Variants in MYT1L observed in about 807,000 individuals in gnomAD.
The protein encoded by MYT1L is myelin transcription factor 1 like, also known as myelin transcription factor 1-like protein.
Under a neutral mutation model 126.7 loss-of-function variants are expected in MYT1L, and 12 were observed. The ratio of observed to expected loss-of-function variants is 0.09; its 90% CI spans 0.06 to 0.15. The LOEUF is 0.15. Ranked by LOEUF, MYT1L falls within the 10% of genes least tolerant of loss-of-function variation. The pLI, the probability that MYT1L is intolerant of heterozygous loss-of-function variation, is 1.00. For synonymous variants in MYT1L, 541 were observed against 604.2 expected, an observed-to-expected ratio of 0.90 and a Z score of 1.53; for missense variants, 979 against 1,585.2, an observed-to-expected ratio of 0.62 and a Z score of 6.49.
intron 2 of MYT1L, among the ~76,000 whole-genome samples, chr2:2,282,239 G>A (rs560029010): frequency 4.6e-5 from 7 of 152,300 alleles, no homozygotes; most frequent in South Asian, 4.1e-4. Context: ...TGTATTGCAC[G>A]TAGTAGGCAC....
At chr2:1,928,175 A>C (rs947961886) in intron 9 of MYT1L, among the ~76,000 whole-genome samples, 2 of 152,212 alleles carry the variant, frequency 1.3e-5, no homozygotes, top group African/African-American at 2.4e-5. Flanking sequence ...CTCGTCTCAA[A>C]GTGATCTGCC....
At chr2:1,820,656 CA>C (rs2038390558) in intron 21 of MYT1L, among the ~76,000 whole-genome samples, 1 of 152,144 alleles carries the variant, frequency 6.6e-6, no homozygotes, top group Non-Finnish European at 1.5e-5. Context: ...AAGCAATTCT[CA>C]CTCCTCAGCC....
intron 2 of MYT1L, among the ~76,000 whole-genome samples, chr2:2,264,489 G>A (rs2095069493): frequency 6.6e-6 from 1 of 152,038 alleles, no homozygotes; most frequent in South Asian, 2.1e-4. Flanking sequence ...TAAAAAATAG[G>A]TCATAGTGAA....
At chr2:2,248,859 G>T (rs2149202083) in intron 2 of MYT1L, among the ~76,000 whole-genome samples, 1 of 152,180 alleles carries the variant, frequency 6.6e-6, no homozygotes, top group African/African-American at 2.4e-5. Flanking sequence ...ACTGGGTATA[G>T]AAATAACATA....
At chr2:1,932,064 G>A (rs1437964207) in intron 9 of MYT1L, among the ~76,000 whole-genome samples, 1 of 152,142 alleles carries the variant, frequency 6.6e-6, no homozygotes, top group East Asian at 1.9e-4. Flanking sequence ...GCCAGACACT[G>A]CCTACACTCC....
chr2:1,986,106 C>G (rs2060998416), intron 5 of MYT1L, among the ~76,000 whole-genome samples: 1 of 152,218 alleles, frequency 6.6e-6, no homozygotes, highest in Non-Finnish European at 1.5e-5. Flanking sequence ...TGGTAGATGC[C>G]TGTAAATTTC....
chr2:2,200,977 G>A (rs183178592), intron 2 of MYT1L, among the ~76,000 whole-genome samples: 1 of 152,292 alleles, frequency 6.6e-6, no homozygotes, highest in African/African-American at 2.4e-5. Context: ...AGTTAACAAA[G>A]CACATTAATC....
intron 3 of MYT1L, among the ~76,000 whole-genome samples, chr2:2,157,792 T>G (rs1188696806): frequency 6.6e-6 from 1 of 152,212 alleles, no homozygotes; most frequent in African/African-American, 2.4e-5. Flanking sequence ...AGAAATATTT[T>G]TCCACACTGA....
chr2:2,030,863 G>A (rs1392181976), intron 4 of MYT1L, among the ~76,000 whole-genome samples: 1 of 152,142 alleles, frequency 6.6e-6, no homozygotes, highest in African/African-American at 2.4e-5. Context: ...GTAAAATTTG[G>A]TGCTCATATA....
At chr2:2,136,772 C>A (rs1575418890) in intron 3 of MYT1L, among the ~76,000 whole-genome samples, 1 of 152,272 alleles carries the variant, frequency 6.6e-6, no homozygotes, top group South Asian at 2.1e-4. Flanking sequence ...CCTTTGAAAA[C>A]TGGCACAAGA....
At chr2:2,076,934 T>C (rs1351873419) in intron 3 of MYT1L, among the ~76,000 whole-genome samples, 2 of 152,130 alleles carry the variant, frequency 1.3e-5, no homozygotes, top group African/African-American at 4.8e-5. Context: ...GAAAACTGTC[T>C]GAAAAATTCA....
At chr2:2,203,674 G>A (rs2093182342) in intron 2 of MYT1L, among the ~76,000 whole-genome samples, 1 of 152,066 alleles carries the variant, frequency 6.6e-6, no homozygotes, top group South Asian at 2.1e-4. Context: ...TTGTGAAAAT[G>A]ACCATACTGC....
At chr2:1,971,677 G>C (rs1428265375) in intron 8 of MYT1L, among the ~76,000 whole-genome samples, 1 of 152,222 alleles carries the variant, frequency 6.6e-6, no homozygotes, top group African/African-American at 2.4e-5. Flanking sequence ...GTTGCAGTGA[G>C]CTGAGATCGT....
At chr2:1,824,029 G>C (rs775499296) in intron 21 of MYT1L, among the ~76,000 whole-genome samples, 2 of 152,188 alleles carry the variant, frequency 1.3e-5, no homozygotes, top group Non-Finnish European at 2.9e-5. Flanking sequence ...GGGCAGAGGT[G>C]ATGTGGGATG....
rs558091620 is a variant in MYT1L, at chr2:1,888,352, C to T, written c.2521-743G>A. 2.6e-5 allele frequency among the ~76,000 whole-genome samples: 4 copies of T among 152,272 alleles called. No homozygotes were observed. The East Asian group carries it at 7.7e-4, about 29-fold the overall frequency. On this transcript the variant is annotated intron_variant, in intron 16 of 24. Coordinates refer to ENST00000647738, the MANE Select transcript of MYT1L (RefSeq NM_001303052.2). The stretch of plus-strand genomic sequence containing the variant: ...GAGAAAAAAATACTTAGAAATTTAG[C>T]TTGCCACTCTGATTTGGTTCTTTTT...
chr2:2,102,426 T>A (rs1348020739), intron 3 of MYT1L, among the ~76,000 whole-genome samples: 2 of 152,098 alleles, frequency 1.3e-5, no homozygotes, highest in Admixed American at 1.3e-4. Flanking sequence ...GGGAAAGACT[T>A]TTTTCCTTCT....
chr2:2,195,434 G>C (rs143716490), intron 2 of MYT1L, among the ~76,000 whole-genome samples: 1 of 152,280 alleles, frequency 6.6e-6, no homozygotes, highest in Non-Finnish European at 1.5e-5. Flanking sequence ...GTGTTTTTCT[G>C]TGATTTAGAT....
chr2:2,096,165 A>G (rs538181190), intron 3 of MYT1L, among the ~76,000 whole-genome samples: 5 of 152,396 alleles, frequency 3.3e-5, no homozygotes, highest in Non-Finnish European at 5.9e-5. Flanking sequence ...GAAGAAAGAG[A>G]CATTGAACCA....
chr2:1,951,207 G>A (rs1014913700), intron 8 of MYT1L, among the ~76,000 whole-genome samples: 2 of 152,174 alleles, frequency 1.3e-5, no homozygotes, highest in Admixed American at 6.5e-5. Context: ...GGGCTGAAGT[G>A]TTGGTTTGGG....
Sources: gnomAD v4.1 joint callset for allele counts (sites outside exome capture counted in the v4.1 genomes callset) on GRCh38, gnomAD v4.1.1 for gene constraint, MANE v1.5 for transcripts, NCBI Gene and HGNC (gene_info 2026-07-23, HGNC 2026-07-21) for gene names.